NLRP8: variants seen among roughly 807,000 people sequenced by gnomAD.
NLRP8 encodes NLR family pyrin domain containing 8, also known as NACHT, LRR and PYD domains-containing protein 8.
A neutral mutation model predicts 88.7 loss-of-function variants in NLRP8; 86 were observed. The observed-to-expected ratio is 0.97, with a 90% CI of 0.81 to 1.16. NLRP8 has a LOEUF of 1.16. NLRP8 is among the 50% of genes most tolerant of loss of function. The probability of loss-of-function intolerance (pLI) is 0.00; values close to 1 mark genes in which losing one functional copy is unlikely to be tolerated. For synonymous variants in NLRP8, 504 were observed against 494.6 expected (o/e 1.02, Z -0.25); for missense variants, 1,342 against 1,286.5 (o/e 1.04, Z -0.66).
chr19:55,980,297 A>T (rs909527121), intron 9 of NLRP8, among the ~76,000 whole-genome samples: 1 of 152,224 alleles, frequency 6.6e-6, no homozygotes, highest in Non-Finnish European at 1.5e-5. Context: ...CACTTAACAC[A>T]GTGCCTAACA....
At chr19:55,978,363 G>C (rs1017101293) in intron 8 of NLRP8, among the ~76,000 whole-genome samples, 55 of 152,206 alleles carry the variant, frequency 3.6e-4, no homozygotes, top group African/African-American at 1.3e-3. Flanking sequence ...ATCTGTCTTA[G>C]TCTGTTTTCT....
intron 3 of NLRP8, among the ~76,000 whole-genome samples, chr19:55,957,677 ATATATATATATATATAT>A (rs1279273774): frequency 1.2e-3 from 14 of 11,970 alleles, no homozygotes; most frequent in South Asian, 5.9e-3. Context: ...TAATAATTAT[ATATATATATATATATAT>A]ATATATATAT....
chr19:55,947,893 TTGACTAAAGA>T lies in NLRP8; in HGVS notation c.-6_4del, dbSNP rs1211348072. ...CGTGGACACTGAGGTGTTCTCTGCC[TTGACTAAAGA>T]TGAGTGACGTGAATCCACCCTCTGA... On this transcript the variant is annotated start_lost and 5_prime_UTR_variant, in exon 1 of 10. Transcript: ENST00000291971. 1.2e-6 allele frequency: 2 copies of T among 1,602,918 alleles called. No individual in the cohort carries two copies. The highest frequency in any genetic ancestry group is 8.5e-7 in the Non-Finnish European group (1 of 1,173,478).
At chr19:55,948,541 T>C (rs569726393) in intron 1 of NLRP8, among the ~76,000 whole-genome samples, 85 of 152,332 alleles carry the variant, frequency 5.6e-4, no homozygotes, top group Non-Finnish European at 1.0e-3. Flanking sequence ...GTACAGGTGA[T>C]TCTCCTGCCT....
rs532772061 is a variant in NLRP8, at chr19:55,958,999, C to T, written c.2042+2899C>T. Among the ~76,000 whole-genome samples the T allele has an allele frequency of 8.0e-4, 122 of 152,118 alleles. 5 individuals are homozygous for T. The South Asian group carries it at 0.025, about 31-fold the overall frequency. On this transcript the variant is annotated intron_variant, in intron 3 of 9. Transcript: ENST00000291971. The stretch of plus-strand genomic sequence containing the variant: ...GTTCACGCCATTCTCCTGCCTCAGC[C>T]TCCCGAGTAGCTGGGACTACAGGCG...
intron 6 of NLRP8, among the ~76,000 whole-genome samples, chr19:55,973,386 C>T (rs558459773): frequency 1.3e-5 from 2 of 152,242 alleles, no homozygotes; most frequent in East Asian, 3.9e-4. Flanking sequence ...ACTCTGTGGG[C>T]TGTCTGTTAA....
Position 55,955,817 on chromosome 19 carries a change from C to G in NLRP8, c.1759C>G (p.Leu587Val). The change falls in exon 3 of 10, where the codon CTG (leucine) becomes GTG (valine). Residue 587 changes from leucine (L) to valine (V), a missense_variant. Physicochemically the swap from Leu to Val is conservative, Grantham distance 32. Transcript: ENST00000291971. ...GGTGTCTTTCGGTAATAAGAGGAAA[C>G]TGCTGAAAGTCATACCTCTGTTGCA... The G allele has an allele frequency of 6.2e-7, 1 of 1,614,176 alleles. No homozygotes were observed. Among genetic ancestry groups the G allele is most frequent in the Non-Finnish European group, 8.5e-7 (1 of 1,180,026 alleles).
chr19:55,948,168 T>C lies in NLRP8; in HGVS notation c.266T>C (p.Ile89Thr), dbSNP rs1649123167. 8.1e-6 allele frequency: 13 copies of C among 1,614,052 alleles called. No homozygotes were observed. The highest frequency in any genetic ancestry group is 9.3e-6 in the Non-Finnish European group (11 of 1,180,036). ...TGGGCAGAGGTGGTTCATCTCTTGA[T>C]AGAGCGTTTCCCTGGACGACGCGCT... is the stretch of plus-strand genomic sequence containing the variant. The change falls in exon 1 of 10, where the codon ATA becomes ACA. Residue 89 changes from isoleucine to threonine, a missense_variant. Ile to Thr is a moderately conservative substitution (Grantham distance 89, BLOSUM62 -1). Coordinates refer to ENST00000291971, the MANE Select transcript of NLRP8 (RefSeq NM_176811.2).
intron 7 of NLRP8, 67 bp from the exon 8 acceptor site, chr19:55,976,066 T>G: frequency 5.9e-6 from 7 of 1,178,942 alleles, no homozygotes; most frequent in Non-Finnish European, 8.1e-6. Flanking sequence ...GTGTTTTCGT[T>G]GTTGTTGTTG....
At position 55,966,173 on chromosome 19, in the gene NLRP8, G is replaced by T. The variant is rs766107008; in HGVS notation, c.2214-40G>T. 2.5e-6 allele frequency: 4 copies of T among 1,599,918 alleles called. No individual in the cohort carries two copies. In the South Asian group the frequency reaches 4.5e-5, roughly 18 times the overall value. On this transcript the variant is annotated intron_variant, in intron 4 of 9. Transcript: ENST00000291971. ...GAGGCCACAGAATTCTACGACTGTG[G>T]ACGGGACCCTATTCCAAGGAGACGC...
At chr19:55,969,481 C>T (rs949401854) in intron 5 of NLRP8, among the ~76,000 whole-genome samples, 2 of 152,142 alleles carry the variant, frequency 1.3e-5, no homozygotes, top group African/African-American at 4.8e-5. Context: ...GTGTCTATAC[C>T]ACATTTTCCT....
intron 1 of NLRP8, among the ~76,000 whole-genome samples, chr19:55,950,446 CAG>C (rs946251767): frequency 6.6e-6 from 1 of 150,782 alleles, no homozygotes; most frequent in African/African-American, 2.5e-5. Context: ...CACACACACA[CAG>C]AGACACACGT....
At chr19:55,971,332 C>T (rs1466687096) in intron 6 of NLRP8, among the ~76,000 whole-genome samples, 3 of 146,890 alleles carry the variant, frequency 2.0e-5, no homozygotes, top group African/African-American at 2.5e-5. Context: ...CCCAGCTACT[C>T]GGGAGGCTGA....
intron 6 of NLRP8, 109 bp from the exon 7 acceptor site, chr19:55,973,543 G>T: frequency 2.1e-6 from 2 of 955,900 alleles, no homozygotes; most frequent in Non-Finnish European, 3.1e-6. Context: ...TGACAGAGGT[G>T]TGAGGATGCT....
chr19:55,962,117 T>C lies in NLRP8; in HGVS notation c.2093T>C (p.Val698Ala). 1 of 1,614,232 alleles carries C rather than the reference T, an allele frequency of 6.2e-7. No individual in the cohort carries two copies. Among genetic ancestry groups the C allele is most frequent in the South Asian group, 1.1e-5 (1 of 91,086 alleles). Residue 698 changes from valine (V) to alanine (A), a missense_variant, in exon 4 of 10, where the codon GTG becomes GCG. Transcript: ENST00000291971. ...CGTTGGTGGCAAGACTTATGCTCTG[T>C]GTTTGCAACGAATGATAAGCTGGAA...
rs576779130 is a variant in NLRP8 at position 55,953,478 on chromosome 19, ATTTCTTTCTTTC to A, written c.442+882_442+893del. Among the ~76,000 whole-genome samples the A allele has an allele frequency of 8.5e-3, 1,255 of 147,298 alleles. 18 individuals are homozygous for A. Among genetic ancestry groups the A allele is most frequent in the African/African-American group, 0.029 (1,152 of 39,634 alleles). ...GACCACTTCAATAGAGTGTGTCTCT[ATTTCTTTCTTTC>A]TTTCTTTCTTTCTTTATTTTTTTTG... On this transcript the variant is annotated intron_variant, in intron 2 of 9. Transcript: ENST00000291971.
intron 5 of NLRP8, among the ~76,000 whole-genome samples, chr19:55,969,417 G>T (rs1239966261): frequency 6.6e-6 from 1 of 152,156 alleles, no homozygotes; most frequent in Non-Finnish European, 1.5e-5. Context: ...CATCCAAGTT[G>T]CTGCAAAAGA....
rs1396280573 is a variant in NLRP8 at position 55,947,860 on chromosome 19, G to T, written c.-43G>T. 1.3e-6 allele frequency: 2 copies of T among 1,559,202 alleles called. No individual in the cohort carries two copies. Among genetic ancestry groups the T allele is most frequent in the African/African-American group, 1.4e-5 (1 of 73,508 alleles). Reference sequence around the variant, plus strand: ...TCGTGTTTCTCTCTTCCAATCGGTTGTCTTTATCGTGGACACTGAGGTGTT... The same window carrying T: ...TCGTGTTTCTCTCTTCCAATCGGTTTTCTTTATCGTGGACACTGAGGTGTT... On this transcript the variant is annotated 5_prime_UTR_variant, in exon 1 of 10. Coordinates refer to ENST00000291971, the MANE Select transcript of NLRP8 (RefSeq NM_176811.2).
At chr19:55,950,072 T>TA in intron 1 of NLRP8, among the ~76,000 whole-genome samples, 1 of 152,138 alleles carries the variant, frequency 6.6e-6, no homozygotes, top group African/African-American at 2.4e-5. Flanking sequence ...GAGAAAATCT[T>TA]AGTGTTAAAC....
Sources: allele counts gnomAD v4.1 joint callset (sites outside exome capture counted in the v4.1 genomes callset), GRCh38; gene constraint gnomAD v4.1.1; transcripts MANE v1.5; gene names NCBI Gene and HGNC (gene_info 2026-07-23, HGNC 2026-07-21).